The following NRG4 variants were observed in gnomAD, a reference collection of about 807,000 sequenced individuals.
NRG4 encodes the protein pro-neuregulin-4, membrane-bound isoform.
In NRG4, 10 loss-of-function variants were observed where a neutral mutation model predicts 15.0. The ratio of observed to expected loss-of-function variants is 0.67; its 90% CI spans 0.41 to 1.13. NRG4 has a LOEUF of 1.13. Among genes scored for constraint, NRG4 ranks in the 50% most tolerant of loss-of-function variants. The pLI is 0.00. For synonymous variants in NRG4, 41 were observed against 50.1 expected (o/e 0.82, Z 0.77); for missense variants, 139 against 140.2 (o/e 0.99, Z 0.04).
At position 76,050,920 on chromosome 15, in the gene NRG4, C is replaced by T. The variant is rs943059789; in HGVS notation, c.-105+1147G>A. ...TCCTGGGCTCACGCTATCCTCCCAC[C>T]TTAGCCTACCAAGTAGCCAGGACCA... On this transcript the variant is annotated intron_variant, in intron 4 of 8. Coordinates refer to the NRG4 transcript ENST00000563910. 1.8e-4 allele frequency among the ~76,000 whole-genome samples: 27 copies of T among 150,292 alleles called. 2 individuals carry two copies. The highest frequency in any genetic ancestry group is 6.7e-4 in the African/African-American group (27 of 40,204).
intron 3 of NRG4, among the ~76,000 whole-genome samples, chr15:75,978,206 G>C (rs1346434559): frequency 6.6e-6 from 1 of 152,062 alleles, no homozygotes; most frequent in Non-Finnish European, 1.5e-5. Context: ...CATCCACCCA[G>C]TACCCTTCCC....
intron 1 of NRG4, among the ~76,000 whole-genome samples, chr15:76,059,243 G>T (rs2036234562): frequency 6.6e-6 from 1 of 152,200 alleles, no homozygotes; most frequent in East Asian, 1.9e-4. Flanking sequence ...GCCATCAAAT[G>T]AATGTACTGA....
chr15:75,962,631 C>G (rs2032584900), intron 3 of NRG4, among the ~76,000 whole-genome samples: 1 of 152,030 alleles, frequency 6.6e-6, no homozygotes, highest in Admixed American at 6.6e-5. Context: ...ATTTTATAGC[C>G]AATTACCTGT....
upstream of NRG4, among the ~76,000 whole-genome samples, chr15:76,015,071 G>A (rs931627735): frequency 3.3e-5 from 5 of 152,174 alleles, no homozygotes; most frequent in African/African-American, 9.7e-5. Context: ...TCCCTTGTGA[G>A]TTGTATTCCT....
chr15:76,022,355 C>G (rs1050358053), intron 5 of NRG4, among the ~76,000 whole-genome samples: 3 of 152,048 alleles, frequency 2.0e-5, no homozygotes, highest in African/African-American at 4.8e-5. Context: ...CATATTTTGA[C>G]TTATACAAAT....
At chr15:76,020,862 A>G (rs1054417033) in intron 5 of NRG4, among the ~76,000 whole-genome samples, 1 of 152,264 alleles carries the variant, frequency 6.6e-6, no homozygotes, top group Admixed American at 6.5e-5. Context: ...AACCATCTCC[A>G]TAACATAAAA....
At chr15:75,938,974 A>G (rs1268628067), downstream of NRG4, 2 of 152,174 alleles carry the variant, frequency 1.3e-5, no homozygotes, top group Admixed American at 1.3e-4. Context: ...TAAAAGGGAA[A>G]TTTGTAGACA....
chr15:76,020,851 A>T (rs2035129174), intron 5 of NRG4, among the ~76,000 whole-genome samples: 1 of 152,256 alleles, frequency 6.6e-6, no homozygotes, highest in African/African-American at 2.4e-5. Context: ...TTAAGGAAAG[A>T]AACCATCTCC....
Position 76,056,583 on chromosome 15 carries a change from C to T in NRG4, c.-262+371G>A, listed in dbSNP as rs149018298. Reference sequence around the variant, plus strand: ...AGTCACATATATTCCATTTTTCAGGCTTTTACCAACTCAGATTGGCTTTCT... The same window carrying T: ...AGTCACATATATTCCATTTTTCAGGTTTTTACCAACTCAGATTGGCTTTCT... On this transcript the variant is annotated intron_variant, in intron 2 of 8. Transcript: ENST00000563910. 3.3e-5 allele frequency among the ~76,000 whole-genome samples: 5 copies of T among 152,168 alleles called. No individual in the cohort carries two copies. In the East Asian group the frequency reaches 9.6e-4, roughly 29 times the overall value.
At chr15:75,954,420 A>C (rs915435307) in intron 5 of NRG4, among the ~76,000 whole-genome samples, 3 of 126,304 alleles carry the variant, frequency 2.4e-5, no homozygotes, top group African/African-American at 8.9e-5. Flanking sequence ...CATCTGTATC[A>C]ATTTCAATTT....
chr15:75,943,553 A>G lies in NRG4; in HGVS notation c.*85T>C. On this transcript the variant is annotated 3_prime_UTR_variant, in exon 6 of 6. Transcript: ENST00000394907. ...CGTTTTATTTAAGAAATAAAGGATT[A>G]GATTTTTAATTCTTTTACCTAGTGG... 1.2e-6 allele frequency: 1 copy of G among 823,066 alleles called. No homozygotes were observed. The highest frequency in any genetic ancestry group is 2.1e-6 in the Non-Finnish European group (1 of 485,108). The allele number at this position is 823,066 out of a possible 1,614,324, so 51.0% of individuals were successfully genotyped here. A position where few individuals can be genotyped will look rare whatever the true frequency, so the allele number is the denominator to read the frequency against.
At chr15:76,022,166 G>A (rs1443380243) in intron 5 of NRG4, among the ~76,000 whole-genome samples, 2 of 152,008 alleles carry the variant, frequency 1.3e-5, no homozygotes, top group Admixed American at 1.3e-4. Flanking sequence ...CCGGGTGTGG[G>A]GACCCCTGCT....
At chr15:76,009,443 T>A in intron 2 of NRG4, 150 bp from the exon 3 acceptor site, 1 of 539,598 alleles carries the variant, frequency 1.9e-6, no homozygotes. Flanking sequence ...TTTAATTCTA[T>A]TCCTTATTTG....
chr15:75,951,318 C>A (rs2031891457), intron 5 of NRG4, among the ~76,000 whole-genome samples: 1 of 151,770 alleles, frequency 6.6e-6, no homozygotes, highest in Non-Finnish European at 1.5e-5. Flanking sequence ...CAGGCGCCTG[C>A]CACCACGCCC....
chr15:75,992,451 T>A (rs1299997587), intron 3 of NRG4, among the ~76,000 whole-genome samples: 2 of 152,198 alleles, frequency 1.3e-5, no homozygotes, highest in Non-Finnish European at 2.9e-5. Flanking sequence ...AATGTCTTTA[T>A]ATTGCCTTCA....
chr15:75,947,620 T>C (rs1370700655), intron 5 of NRG4, among the ~76,000 whole-genome samples: 1 of 152,248 alleles, frequency 6.6e-6, no homozygotes, highest in East Asian at 1.9e-4. Flanking sequence ...AAATATCTGT[T>C]TGAGTCCATT....
intron 3 of NRG4, among the ~76,000 whole-genome samples, chr15:75,965,549 T>C (rs56218266): frequency 0.062 from 9,452 of 152,168 alleles, 609 homozygotes; most frequent in African/African-American, 0.17. Flanking sequence ...CAAAGACAAA[T>C]TTAAATATTA....
At chr15:75,962,598 A>C (rs970831316) in intron 3 of NRG4, among the ~76,000 whole-genome samples, 14 of 152,190 alleles carry the variant, frequency 9.2e-5, no homozygotes, top group African/African-American at 3.1e-4. Context: ...AATTTTAAAA[A>C]TATTCTCCAC....
chr15:76,042,651 T>G (rs559572710), intron 4 of NRG4, among the ~76,000 whole-genome samples: 1 of 152,062 alleles, frequency 6.6e-6, no homozygotes, highest in Admixed American at 6.6e-5. Flanking sequence ...ACTAATAAGA[T>G]AGAAGCCATA....
Sources: allele counts gnomAD v4.1 joint callset (sites outside exome capture counted in the v4.1 genomes callset), GRCh38; gene constraint gnomAD v4.1.1; transcripts MANE v1.5; gene names NCBI Gene and HGNC (gene_info 2026-07-23, HGNC 2026-07-21).